The following PTPRN2 variants were observed in gnomAD, a reference collection of about 807,000 sequenced individuals.
PTPRN2 encodes the protein protein tyrosine phosphatase receptor type N2.
Under a neutral mutation model 118.8 loss-of-function variants are expected in PTPRN2, and 74 were observed. That is an observed-to-expected ratio of 0.62 (90% confidence interval 0.52 to 0.76). The LOEUF is 0.76. Among genes scored for constraint, PTPRN2 ranks in the 30% least tolerant of loss-of-function variants. PTPRN2 has a pLI of 0.00. For missense variants in PTPRN2, 1,481 were observed against 1,394.4 expected (o/e 1.06, Z -0.99); for synonymous variants, 641 against 608.0 (o/e 1.05, Z -0.80).
intron 2 of PTPRN2, among the ~76,000 whole-genome samples, chr7:158,412,816 ACCCTCCTCAGCTCCAGGGCCCATCCAGTG>A (rs1563262145): frequency 7.0e-5 from 6 of 85,278 alleles, no homozygotes; most frequent in Non-Finnish European, 1.4e-4. Context: ...CCATCTCAGC[ACCCTCCTCAGCTCCAGGGCCCATCCAGTG>A]CCCTCCTCAG....
intron 12 of PTPRN2, among the ~76,000 whole-genome samples, chr7:157,781,343 A>T (rs1803669903): frequency 1.3e-5 from 2 of 152,158 alleles, no homozygotes; most frequent in Admixed American, 1.3e-4. Context: ...CACACAGTTA[A>T]CCCTCCCTGT....
chr7:157,758,506 G>C (rs1801941871), intron 12 of PTPRN2, among the ~76,000 whole-genome samples: 1 of 152,354 alleles, frequency 6.6e-6, no homozygotes, highest in South Asian at 2.1e-4. Flanking sequence ...AGCTGGCCAA[G>C]GTGGACTTTG....
intron 2 of PTPRN2, among the ~76,000 whole-genome samples, chr7:158,331,860 C>G (rs1381886592): frequency 1.8e-5 from 2 of 109,626 alleles, no homozygotes; most frequent in Non-Finnish European, 4.2e-5. Context: ...CAGATTCTCA[C>G]CATAAGAGCT....
At chr7:158,558,291 A>T (rs1476321083) in intron 1 of PTPRN2, among the ~76,000 whole-genome samples, 2 of 152,242 alleles carry the variant, frequency 1.3e-5, no homozygotes, top group Non-Finnish European at 2.9e-5. Context: ...CAGGTCTTTT[A>T]AAATAATTCT....
At chr7:157,786,973 T>C (rs1259639607) in intron 12 of PTPRN2, among the ~76,000 whole-genome samples, 1 of 151,844 alleles carries the variant, frequency 6.6e-6, no homozygotes, top group Non-Finnish European at 1.5e-5. Context: ...TCCCATGGCC[T>C]GAGGAAGCCA....
At chr7:158,309,027 T>G (rs1407986263) in intron 3 of PTPRN2, among the ~76,000 whole-genome samples, 1 of 152,248 alleles carries the variant, frequency 6.6e-6, no homozygotes, top group Non-Finnish European at 1.5e-5. Flanking sequence ...TGGCTTCCAT[T>G]TGCAATAGCT....
intron 10 of PTPRN2, among the ~76,000 whole-genome samples, chr7:158,086,420 A>G (rs547574708): frequency 3.4e-4 from 52 of 152,224 alleles, no homozygotes; most frequent in Non-Finnish European, 6.2e-4. Context: ...TAAAGGCATG[A>G]GCCTGGCCAT....
intron 3 of PTPRN2, among the ~76,000 whole-genome samples, chr7:158,289,549 C>A (rs1799973198): frequency 6.6e-6 from 1 of 152,142 alleles, no homozygotes; most frequent in Admixed American, 6.5e-5. Flanking sequence ...TAATTGCAGT[C>A]ATTTACTGTT....
At chr7:158,355,766 A>C (rs915505882) in intron 2 of PTPRN2, among the ~76,000 whole-genome samples, 1 of 152,242 alleles carries the variant, frequency 6.6e-6, no homozygotes, top group African/African-American at 2.4e-5. Flanking sequence ...GCCAGCCTGA[A>C]GGAAGCATCC....
intron 1 of PTPRN2, among the ~76,000 whole-genome samples, chr7:158,518,547 G>C (rs73180235): frequency 0.25 from 38,135 of 152,010 alleles, 4,875 homozygotes; most frequent in South Asian, 0.38. Context: ...AAAGAGGGTA[G>C]GACTGAGATC....
rs577579016 is a variant in PTPRN2 at position 157,948,108 on chromosome 7, A to G, written c.1724-49371T>C. On this transcript the variant is annotated intron_variant, in intron 11 of 22. Coordinates refer to ENST00000389418, the MANE Select transcript of PTPRN2 (RefSeq NM_002847.5). Reference sequence around the variant, plus strand: ...GAGGCTGAAATTCTAAACAGTAACCAGAAGCCATACAAGAAAATAAAGAAC... The same window carrying G: ...GAGGCTGAAATTCTAAACAGTAACCGGAAGCCATACAAGAAAATAAAGAAC... 1.1e-4 allele frequency among the ~76,000 whole-genome samples: 17 copies of G among 152,386 alleles called. No individual in the cohort carries two copies. In the South Asian group the frequency reaches 2.3e-3, roughly 20 times the overall value.
Position 157,720,171 on chromosome 7 carries a change from G to A in PTPRN2, c.1789-37234C>T, listed in dbSNP as rs1301530263. Among the ~76,000 whole-genome samples, 7 of 152,318 alleles carry A rather than the reference G, an allele frequency of 4.6e-5. No individual in the cohort carries two copies. In the South Asian group the frequency reaches 6.2e-4, roughly 14 times the overall value. On this transcript the variant is annotated intron_variant, in intron 12 of 22. Transcript: ENST00000389418. ...ATGGCACCACCAGGGACCAGGCCCC[G>A]GGGCCAGTCCAGATATCTGCAGTGT...
At chr7:158,395,145 C>CA (rs1433000665) in intron 2 of PTPRN2, among the ~76,000 whole-genome samples, 2 of 151,998 alleles carry the variant, frequency 1.3e-5, no homozygotes, top group African/African-American at 4.8e-5. Context: ...CTGCAAGGTT[C>CA]ACCCACCTTC....
chr7:158,341,408 C>T (rs1353390651), intron 2 of PTPRN2, among the ~76,000 whole-genome samples: 1 of 147,576 alleles, frequency 6.8e-6, no homozygotes, highest in African/African-American at 2.6e-5. Context: ...GAGCTGTCGC[C>T]CGCAGAGGTC....
Position 157,587,081 on chromosome 7 carries a change from C to T in PTPRN2, c.2496+8157G>A, listed in dbSNP as rs1800715574. Among the ~76,000 whole-genome samples the T allele has an allele frequency of 6.6e-6, 1 of 152,160 alleles. No homozygotes were observed. Among genetic ancestry groups the T allele is most frequent in the Non-Finnish European group, 1.5e-5 (1 of 68,042 alleles). On this transcript the variant is annotated intron_variant, in intron 17 of 22. Coordinates refer to ENST00000389418, the MANE Select transcript of PTPRN2 (RefSeq NM_002847.5). The surrounding 1 kb of genome is among the most constrained non-coding windows in gnomAD (Gnocchi z 5.3). Reference sequence around the variant, plus strand: ...GTGGAATCCAGGCCTGCCATCTTCCCACCCACCCCTGCCTGGACTAGTGCA... The same window carrying T: ...GTGGAATCCAGGCCTGCCATCTTCCTACCCACCCCTGCCTGGACTAGTGCA...
chr7:157,639,412 C>T (rs574024133), intron 14 of PTPRN2, among the ~76,000 whole-genome samples: 29 of 152,302 alleles, frequency 1.9e-4, no homozygotes, highest in African/African-American at 6.7e-4. Flanking sequence ...AAGCACAGTG[C>T]GGCCTCTGCA....
intron 9 of PTPRN2, among the ~76,000 whole-genome samples, chr7:158,132,884 T>C (rs117615138): frequency 0.032 from 4,840 of 152,220 alleles, 120 homozygotes; most frequent in Non-Finnish European, 0.046. Context: ...TACACACACA[T>C]ACAAACGTGT....
chr7:158,052,801 T>G, intron 11 of PTPRN2, among the ~76,000 whole-genome samples: 1 of 152,132 alleles, frequency 6.6e-6, no homozygotes, highest in South Asian at 2.1e-4. Context: ...TTTGGATCTT[T>G]TGGAGACACC....
chr7:158,119,422 T>C (rs1440434392), intron 9 of PTPRN2, among the ~76,000 whole-genome samples: 1 of 152,176 alleles, frequency 6.6e-6, no homozygotes, highest in Non-Finnish European at 1.5e-5. Context: ...CTCCTGTGCC[T>C]TGTTGGTGAG....
Sources: allele counts gnomAD v4.1 joint callset (sites outside exome capture counted in the v4.1 genomes callset), GRCh38; gene constraint gnomAD v4.1.1; non-coding constraint Gnocchi (gnomAD v3.1); transcripts MANE v1.5; gene names NCBI Gene and HGNC (gene_info 2026-07-23, HGNC 2026-07-21).